PCDH15: variants seen among roughly 807,000 people sequenced by gnomAD.
PCDH15 encodes the protein protocadherin-15.
In PCDH15, 129 loss-of-function variants were observed where a neutral mutation model predicts 178.5. That is an observed-to-expected ratio of 0.72 (90% confidence interval 0.63 to 0.84). The LOEUF is 0.84. Ranked by LOEUF, PCDH15 falls within the 40% of genes least tolerant of loss-of-function variation. The pLI, the probability that PCDH15 is intolerant of heterozygous loss-of-function variation, is 0.00. For missense variants in PCDH15, 2,230 were observed against 2,099.9 expected, an observed-to-expected ratio of 1.06 and a Z score of -1.21; for synonymous variants, 800 against 732.0, an observed-to-expected ratio of 1.09 and a Z score of -1.50.
intron 2 of PCDH15, among the ~76,000 whole-genome samples, chr10:55,331,287 A>T (rs1037699803): frequency 6.6e-6 from 1 of 151,980 alleles, no homozygotes; most frequent in Admixed American, 6.6e-5. Context: ...AATGATTTGT[A>T]GTACTGTAGG....
chr10:53,915,646 A>G (rs1027632875), intron 25 of PCDH15, among the ~76,000 whole-genome samples: 2 of 151,786 alleles, frequency 1.3e-5, no homozygotes, highest in African/African-American at 2.4e-5. Context: ...TGTAACCTCC[A>G]CCTCCCGAGT....
At chr10:54,863,958 C>G (rs1292972342) in intron 3 of PCDH15, among the ~76,000 whole-genome samples, 1 of 152,124 alleles carries the variant, frequency 6.6e-6, no homozygotes, top group Non-Finnish European at 1.5e-5. Context: ...TGTTAAATAA[C>G]TGATCATATT....
intron 1 of PCDH15, among the ~76,000 whole-genome samples, chr10:54,798,907 A>C (rs1367688156): frequency 6.6e-6 from 1 of 152,092 alleles, no homozygotes; most frequent in Non-Finnish European, 1.5e-5. Context: ...TACAGTCTGA[A>C]ATTGTATCTG....
intron 1 of PCDH15, among the ~76,000 whole-genome samples, chr10:55,203,266 T>G (rs1240827662): frequency 6.6e-6 from 1 of 152,094 alleles, no homozygotes; most frequent in Non-Finnish European, 1.5e-5. Flanking sequence ...TTCCATTTGT[T>G]TTCTCAGCCT....
chr10:55,546,358 G>A lies in PCDH15; in HGVS notation c.-156+81267C>T, dbSNP rs183977801. Among the ~76,000 whole-genome samples the A allele has an allele frequency of 5.3e-5, 8 of 152,190 alleles. No individual in the cohort carries two copies. The East Asian group carries it at 1.4e-3, about 26-fold the overall frequency. On this transcript the variant is annotated intron_variant, in intron 2 of 5. Coordinates refer to the PCDH15 transcript ENST00000613346. Reference sequence around the variant, plus strand: ...TACAGATACTATTTCTCATTGTAAGGTTTGATGAATAATTACAAATTTATA... The same window carrying A: ...TACAGATACTATTTCTCATTGTAAGATTTGATGAATAATTACAAATTTATA...
intron 2 of PCDH15, among the ~76,000 whole-genome samples, chr10:55,444,317 T>C (rs1168771282): frequency 6.6e-6 from 1 of 152,030 alleles, no homozygotes; most frequent in Non-Finnish European, 1.5e-5. Context: ...GTGCTAGTTT[T>C]ATTTTTTTAT....
chr10:54,244,570 C>T (rs988852954), intron 8 of PCDH15, among the ~76,000 whole-genome samples: 4 of 152,178 alleles, frequency 2.6e-5, no homozygotes, highest in African/African-American at 9.7e-5. Context: ...TATCAAAAAT[C>T]GTTTTCCACA....
intron 1 of PCDH15, among the ~76,000 whole-genome samples, chr10:55,318,625 A>C (rs976545235): frequency 3.3e-5 from 5 of 152,162 alleles, no homozygotes; most frequent in African/African-American, 9.6e-5. Flanking sequence ...GGCAAAGAAA[A>C]GGTAAAGTTA....
chr10:54,399,950 C>T (rs950048575), intron 3 of PCDH15, among the ~76,000 whole-genome samples: 1 of 152,130 alleles, frequency 6.6e-6, no homozygotes, highest in South Asian at 2.1e-4. Context: ...TTCTTTTTAC[C>T]TCTAATGCTT....
intron 1 of PCDH15, among the ~76,000 whole-genome samples, chr10:54,699,549 T>C (rs2095280175): frequency 6.6e-6 from 1 of 152,076 alleles, no homozygotes; most frequent in Admixed American, 6.6e-5. Context: ...CACCTCACTT[T>C]TGAAACCAGA....
intron 2 of PCDH15, among the ~76,000 whole-genome samples, chr10:55,373,216 A>T (rs1018748904): frequency 9.9e-5 from 15 of 152,248 alleles, no homozygotes; most frequent in Non-Finnish European, 1.2e-4. Context: ...ATGGAACTTT[A>T]ATCATTTATG....
Position 53,803,853 on chromosome 10 carries a change from C to G in PCDH15, c.*2726G>C, listed in dbSNP as rs1841008623. ...TGCTGTTTCTTCTGCCTGATTGAAG[C>G]TAGTGCTGATTGAGAACAACAAGAA... On this transcript the variant is annotated 3_prime_UTR_variant, in exon 38 of 38. Transcript: ENST00000644397. 6.6e-6 allele frequency: 1 copy of G among 151,928 alleles called. No homozygotes were observed. The highest frequency in any genetic ancestry group is 6.6e-5 in the Admixed American group (1 of 15,210). The allele number at this position is 151,928 out of a possible 1,614,324, so 9.4% of individuals were successfully genotyped here. A position where few individuals can be genotyped will look rare whatever the true frequency, so the allele number is the denominator to read the frequency against.
At chr10:55,298,283 C>G (rs1336707910) in intron 1 of PCDH15, among the ~76,000 whole-genome samples, 2 of 152,172 alleles carry the variant, frequency 1.3e-5, no homozygotes, top group African/African-American at 4.8e-5. Flanking sequence ...ATTGATCATT[C>G]CATGCAATTA....
At position 54,517,771 on chromosome 10, in the gene PCDH15, C is replaced by G. The variant is rs188816062; in HGVS notation, c.157+10041G>C. Among the ~76,000 whole-genome samples, 30 of 152,166 alleles carry G rather than the reference C, an allele frequency of 2.0e-4. No homozygotes were observed. In the East Asian group the frequency reaches 5.8e-3, roughly 29 times the overall value. ...AACAGAATATACATTTTTTTCAGCA[C>G]CACACCACACCTATTCCAAAATTGA... is the stretch of plus-strand genomic sequence containing the variant. On this transcript the variant is annotated intron_variant, in intron 3 of 37. Coordinates refer to ENST00000644397, the MANE Select transcript of PCDH15 (RefSeq NM_001384140.1).
intron 14 of PCDH15, among the ~76,000 whole-genome samples, chr10:54,133,892 TACACACACATATAC>T (rs1564500379): frequency 7.2e-6 from 1 of 138,232 alleles, no homozygotes; most frequent in South Asian, 2.5e-4. Context: ...TACACATATA[TACACACACATATAC>T]ACACACACAT....
intron 2 of PCDH15, among the ~76,000 whole-genome samples, chr10:54,972,984 T>TAAC (rs1330568848): frequency 1.3e-5 from 2 of 151,216 alleles, no homozygotes; most frequent in Non-Finnish European, 2.9e-5. Flanking sequence ...CTTACAAGAA[T>TAAC]AACAATGATA....
intron 16 of PCDH15, among the ~76,000 whole-genome samples, chr10:54,089,725 T>G (rs572363740): frequency 6.6e-6 from 1 of 152,300 alleles, no homozygotes; most frequent in Non-Finnish European, 1.5e-5. Context: ...TAAAAGGATC[T>G]AATTAATCCC....
intron 2 of PCDH15, among the ~76,000 whole-genome samples, chr10:55,488,418 G>A (rs1840344928): frequency 6.6e-6 from 1 of 151,482 alleles, no homozygotes; most frequent in East Asian, 2.0e-4. Context: ...ATCAATCAAT[G>A]CATAGCAAGT....
At chr10:54,146,861 TA>T (rs920344695) in intron 14 of PCDH15, among the ~76,000 whole-genome samples, 2 of 146,380 alleles carry the variant, frequency 1.4e-5, no homozygotes, top group Non-Finnish European at 3.0e-5. Flanking sequence ...GGTCGATCTG[TA>T]AAAAAAATCA....
Sources: allele counts gnomAD v4.1 joint callset (sites outside exome capture counted in the v4.1 genomes callset), GRCh38; gene constraint gnomAD v4.1.1; transcripts MANE v1.5; gene names NCBI Gene and HGNC (gene_info 2026-07-23, HGNC 2026-07-21).